SLC12A7: variants seen among roughly 807,000 people sequenced by gnomAD.
SLC12A7 encodes K-Cl cotransporter 4.
A neutral mutation model predicts 120.6 loss-of-function variants in SLC12A7; 100 were observed. The ratio of observed to expected loss-of-function variants is 0.83; its 90% CI spans 0.71 to 0.98. SLC12A7 has a LOEUF of 0.98. SLC12A7 is among the 50% of genes least tolerant of loss of function. The probability of loss-of-function intolerance (pLI) is 0.00; values close to 1 mark genes in which losing one functional copy is unlikely to be tolerated. For missense variants in SLC12A7, 1,373 were observed against 1,548.1 expected (o/e 0.89, Z 1.90); for synonymous variants, 760 against 678.0 (o/e 1.12, Z -1.88).
At position 1,089,930 on chromosome 5, in the gene SLC12A7, C is replaced by A. The variant is rs1404364030; in HGVS notation, c.343-802G>T. Among the ~76,000 whole-genome samples, 5 of 152,260 alleles carry A rather than the reference C, an allele frequency of 3.3e-5. No individual in the cohort carries two copies. The East Asian group carries it at 5.8e-4, about 18-fold the overall frequency. On this transcript the variant is annotated intron_variant, in intron 3 of 23. Transcript: ENST00000264930. ...GCCCCACTCCCGCCATGAGCAGAGG[C>A]ACGTGGCTCAGACCTGGAGGACGGC...
At chr5:1,115,417 G>A (rs943193631), upstream of SLC12A7, among the ~76,000 whole-genome samples, 4 of 152,226 alleles carry the variant, frequency 2.6e-5, no homozygotes, top group African/African-American at 7.2e-5. Context: ...CTCACCAGAC[G>A]CAGGCTGCCT....
chr5:1,117,136 T>TG, the SLC12A7 span, among the ~76,000 whole-genome samples: 1 of 151,540 alleles, frequency 6.6e-6, no homozygotes, highest in Non-Finnish European at 1.5e-5. The surrounding 1 kb of genome is among the most constrained non-coding windows in gnomAD (Gnocchi z 4.5). Context: ...GGGGATGGGC[T>TG]GGGGGGCTGG....
chr5:1,080,084 T>C (rs565783384), intron 9 of SLC12A7, among the ~76,000 whole-genome samples: 5 of 152,136 alleles, frequency 3.3e-5, no homozygotes, highest in African/African-American at 9.6e-5. Flanking sequence ...TTGCTCGGGG[T>C]GGCCTGGGAG....
intron 3 of SLC12A7, among the ~76,000 whole-genome samples, chr5:1,092,453 C>G (rs1381306112): frequency 6.6e-6 from 1 of 152,240 alleles, no homozygotes; most frequent in East Asian, 1.9e-4. Flanking sequence ...TCCTTCCTTC[C>G]TGCTCACTGG....
Position 1,093,643 on chromosome 5 carries a change from T to C in SLC12A7, c.232A>G (p.Ser78Gly). 6.2e-7 allele frequency: 1 copy of C among 1,613,096 alleles called. No individual in the cohort carries two copies. The highest frequency in any genetic ancestry group is 1.1e-5 in the South Asian group (1 of 91,078). ...AGCAGCGAGGACACCATGGGGTTAC[T>C]GTCCATCTCCTCCTGCGCGGCGTGG... is the stretch of plus-strand genomic sequence containing the variant. ...NMALFEEEMD[S>G]NPMVSSLLNK... The change falls in exon 3 of 24, where the codon AGT becomes GGT. Residue 78 changes from serine (S) to glycine (G), a missense_variant. Coordinates refer to ENST00000264930, the MANE Select transcript of SLC12A7 (RefSeq NM_006598.3).
intron 8 of SLC12A7, 66 bp downstream of exon 8, chr5:1,083,679 C>T: frequency 1.3e-6 from 2 of 1,515,568 alleles, no homozygotes; most frequent in Non-Finnish European, 1.8e-6. Flanking sequence ...GCGAGAGCAG[C>T]CACCAGGGCC....
chr5:1,153,705 G>C, the SLC12A7 span, among the ~76,000 whole-genome samples: 1 of 152,184 alleles, frequency 6.6e-6, no homozygotes, highest in Non-Finnish European at 1.5e-5. Flanking sequence ...CTGACTTGGC[G>C]CTCTAGTTCA....
intron 20 of SLC12A7, among the ~76,000 whole-genome samples, chr5:1,063,302 G>A (rs920799017): frequency 3.9e-5 from 6 of 152,214 alleles, no homozygotes; most frequent in African/African-American, 7.2e-5. Context: ...GTTTCCAGCC[G>A]TGGGAAGGTG....
Position 1,111,894 on chromosome 5 carries a change from C to T in SLC12A7, c.98G>A (p.Gly33Asp), listed in dbSNP as rs1277035512. ...CGGGCTGGGGCGCTCGGGCTCGGGGCCCTCGGGGGTGCCCGGAGCCTCCGT... is the reference window on the plus strand; with the variant it reads ...CGGGCTGGGGCGCTCGGGCTCGGGGTCCTCGGGGGTGCCCGGAGCCTCCGT... ...ERTEAPGTPE[G>D]PEPERPSPGD... Residue 33 changes from glycine (G) to aspartate (D), a missense_variant, in exon 1 of 24, where the codon GGC (glycine) becomes GAC (aspartate). By Grantham distance (94) the Gly-to-Asp change is moderately conservative (BLOSUM62 -1). Transcript: ENST00000264930. 28 of 1,236,382 alleles carry T rather than the reference C, an allele frequency of 2.3e-5. No homozygotes were observed. Among genetic ancestry groups the T allele is most frequent in the Non-Finnish European group, 2.8e-5 (28 of 988,196 alleles). The allele number at this position is 1,236,382 out of a possible 1,614,324, so 76.6% of individuals were successfully genotyped here.
Position 1,051,083 on chromosome 5 carries a change from A to G in SLC12A7, c.*1277T>C. On this transcript the variant is annotated 3_prime_UTR_variant, in exon 24 of 24. Coordinates refer to ENST00000264930, the MANE Select transcript of SLC12A7 (RefSeq NM_006598.3). ...ATATGCCACATAGAAAGGGAGGCCC[A>G]AGTCGGTGCCACTGCCCGCAGCCTG... is the stretch of plus-strand genomic sequence containing the variant. 1 of 396,944 alleles carries G rather than the reference A, an allele frequency of 2.5e-6. No homozygotes were observed. The highest frequency in any genetic ancestry group is 4.4e-6 in the Non-Finnish European group (1 of 225,476). 24.6% of individuals were successfully genotyped at this position (396,944 alleles called of 1,614,324 possible).
intron 17 of SLC12A7, among the ~76,000 whole-genome samples, chr5:1,069,770 C>A (rs1409397247): frequency 6.6e-6 from 1 of 152,188 alleles, no homozygotes; most frequent in Admixed American, 6.5e-5. Context: ...TTCATCGTGT[C>A]ATCATTCCGT....
chr5:1,125,242 C>T, the SLC12A7 span, among the ~76,000 whole-genome samples: 1 of 149,630 alleles, frequency 6.7e-6, no homozygotes, highest in South Asian at 2.1e-4. Flanking sequence ...GAGCCGTGAT[C>T]GGAATGAGAT....
chr5:1,081,152 T>G (rs1739053921), intron 9 of SLC12A7, among the ~76,000 whole-genome samples: 1 of 150,106 alleles, frequency 6.7e-6, no homozygotes, highest in Non-Finnish European at 1.5e-5. Flanking sequence ...GACAGAGAAA[T>G]GGACAAAGAC....
Position 1,081,657 on chromosome 5 carries a change from G to A in SLC12A7, c.1217C>T (p.Ala406Val). Residue 406 changes from alanine (A) to valine (V), a missense_variant, in exon 9 of 24, where the codon GCC becomes GTC. Physicochemically the swap from Ala to Val is moderately conservative, Grantham distance 64. Coordinates refer to ENST00000264930, the MANE Select transcript of SLC12A7 (RefSeq NM_006598.3). ...PSVPVAEESR[A>V]SALPYVLTDI... Reference sequence around the variant, plus strand: ...GGTGAGCACGTAGGGCAGTGCGCTGGCACGGCTCTCCTCTGCCACGGGCAC... The same window carrying A: ...GGTGAGCACGTAGGGCAGTGCGCTGACACGGCTCTCCTCTGCCACGGGCAC... 3 of 1,613,148 alleles carry A rather than the reference G, an allele frequency of 1.9e-6. No homozygotes were observed. Among genetic ancestry groups the A allele is most frequent in the Non-Finnish European group, 2.5e-6 (3 of 1,179,968 alleles).
chr5:1,148,611 C>T, the SLC12A7 span, among the ~76,000 whole-genome samples: 9 of 152,208 alleles, frequency 5.9e-5, no homozygotes, highest in Admixed American at 1.3e-4. Flanking sequence ...CCTTTATTCT[C>T]GATTCACGAA....
In SLC12A7 at chr5:1,052,092, C is replaced by G. The variant is rs1400846475; in HGVS notation, c.*268G>C. The G allele has an allele frequency of 3.9e-6, 2 of 517,150 alleles. No individual in the cohort carries two copies. The highest frequency in any genetic ancestry group is 6.9e-6 in the Non-Finnish European group (2 of 291,574). The allele number at this position is 517,150 out of a possible 1,614,324, so 32.0% of individuals were successfully genotyped here. ...CTTGTGACCTGCGAGAAGATCTGGC[C>G]ACGTCCAGGTCACTCCGGTAGCAGC... is the stretch of plus-strand genomic sequence containing the variant. On this transcript the variant is annotated 3_prime_UTR_variant, in exon 24 of 24. Coordinates refer to ENST00000264930, the MANE Select transcript of SLC12A7 (RefSeq NM_006598.3).
chr5:1,132,354 G>A, the SLC12A7 span, among the ~76,000 whole-genome samples: 11 of 152,094 alleles, frequency 7.2e-5, no homozygotes, highest in Non-Finnish European at 8.8e-5. Flanking sequence ...CTTGTTCAGC[G>A]CATAATGAAG....
rs997459990 is a variant in SLC12A7, at chr5:1,088,843, T to C, written c.489+139A>G. ...GCTGAACGACGTCTACACGGGCGTC[T>C]GGGGAGGGCCCTACTGTCCGGCTGC... On this transcript the variant is annotated intron_variant, in intron 4 of 23. Coordinates refer to ENST00000264930, the MANE Select transcript of SLC12A7 (RefSeq NM_006598.3). The C allele has an allele frequency of 7.9e-5, 87 of 1,098,912 alleles. 1 individual carries two copies. In the African/African-American group the frequency reaches 1.3e-3, roughly 16 times the overall value. 68.1% of individuals were successfully genotyped at this position (1,098,912 alleles called of 1,614,324 possible).
intron 1 of SLC12A7, among the ~76,000 whole-genome samples, chr5:1,102,361 T>C (rs1274853187): frequency 6.6e-6 from 1 of 152,100 alleles, no homozygotes; most frequent in Non-Finnish European, 1.5e-5. Context: ...TCACAATGCC[T>C]CCATCAGCCT....
Sources: gnomAD v4.1 joint callset for allele counts (sites outside exome capture counted in the v4.1 genomes callset) on GRCh38, gnomAD v4.1.1 for gene constraint, Gnocchi (gnomAD v3.1) non-coding constraint, MANE v1.5 for transcripts, NCBI Gene and HGNC (gene_info 2026-07-23, HGNC 2026-07-21) for gene names.